The following TLK2 variants were observed in gnomAD, a reference collection of about 807,000 sequenced individuals.
TLK2 encodes tousled like kinase 2, also known as serine/threonine-protein kinase tousled-like 2.
In TLK2, 6 loss-of-function variants were observed where a neutral mutation model predicts 117.3. The observed-to-expected ratio is 0.05, with a 90% confidence interval of 0.03 to 0.10. The LOEUF is 0.10. TLK2 is among the 10% of genes least tolerant of loss of function. The pLI, the probability that TLK2 is intolerant of heterozygous loss-of-function variation, is 1.00. For synonymous variants in TLK2, 257 were observed against 316.7 expected, an observed-to-expected ratio of 0.81 and a Z score of 2.00; for missense variants, 299 against 901.2, an observed-to-expected ratio of 0.33 and a Z score of 8.56.
At chr17:62,525,269 C>T (rs547122712) in intron 6 of TLK2, among the ~76,000 whole-genome samples, 45 of 152,202 alleles carry the variant, frequency 3.0e-4, no homozygotes, top group African/African-American at 1.0e-3. Flanking sequence ...ATTTCCTAAG[C>T]GATTTAGGCT....
intron 15 of TLK2, among the ~76,000 whole-genome samples, chr17:62,584,557 TC>T (rs2081474005): frequency 6.6e-6 from 1 of 152,184 alleles, no homozygotes; most frequent in Non-Finnish European, 1.5e-5. Context: ...CTCTACTGCC[TC>T]TAACCCAATA....
intron 7 of TLK2, among the ~76,000 whole-genome samples, chr17:62,547,481 G>C (rs2078035611): frequency 6.6e-6 from 1 of 152,000 alleles, no homozygotes; most frequent in Admixed American, 6.6e-5. Flanking sequence ...TAACGGATCT[G>C]AGCATTGTCA....
intron 13 of TLK2, 86 bp from the exon 14 acceptor site, chr17:62,578,391 T>C: frequency 9.6e-7 from 1 of 1,039,832 alleles, no homozygotes. Flanking sequence ...TTTCATAAGA[T>C]AAATGTCTGC....
intron 16 of TLK2, among the ~76,000 whole-genome samples, chr17:62,591,349 A>G (rs2082066144): frequency 6.6e-6 from 1 of 151,160 alleles, no homozygotes; most frequent in Admixed American, 6.6e-5. Context: ...TGTTAAATAT[A>G]TGTAATTTAA....
At chr17:62,504,103 A>G (rs1237158109) in intron 2 of TLK2, among the ~76,000 whole-genome samples, 1 of 152,128 alleles carries the variant, frequency 6.6e-6, no homozygotes. Flanking sequence ...TTTTGTTGTA[A>G]TACATGCTTG....
chr17:62,595,936 GA>G (rs2082447935), intron 16 of TLK2, among the ~76,000 whole-genome samples: 2 of 152,054 alleles, frequency 1.3e-5, no homozygotes, highest in East Asian at 1.9e-4. Flanking sequence ...GAGGAGGGGG[GA>G]AAATAACCGT....
chr17:62,575,326 G>A (rs922699483), intron 12 of TLK2, among the ~76,000 whole-genome samples: 3 of 152,110 alleles, frequency 2.0e-5, no homozygotes, highest in Non-Finnish European at 2.9e-5. Context: ...TCTTGGCCCC[G>A]AACCTGTTTC....
chr17:62,569,681 C>T (rs1337222741), intron 11 of TLK2, among the ~76,000 whole-genome samples: 2 of 152,004 alleles, frequency 1.3e-5, no homozygotes, highest in Non-Finnish European at 2.9e-5. Context: ...CCCACCTTGG[C>T]CTCCCGAAGT....
At chr17:62,572,516 A>G (rs1445279917) in intron 11 of TLK2, among the ~76,000 whole-genome samples, 1 of 152,176 alleles carries the variant, frequency 6.6e-6, no homozygotes, top group Non-Finnish European at 1.5e-5. Context: ...TCTAATGGTA[A>G]TGGTGTTAGA....
chr17:62,519,746 A>G (rs1231861770), intron 2 of TLK2, among the ~76,000 whole-genome samples: 20 of 152,210 alleles, frequency 1.3e-4, no homozygotes, highest in Admixed American at 1.2e-3. Flanking sequence ...GCAAGTATAA[A>G]AAAATGGATT....
At chr17:62,540,626 T>C (rs1489118634) in intron 7 of TLK2, among the ~76,000 whole-genome samples, 2 of 151,260 alleles carry the variant, frequency 1.3e-5, no homozygotes, top group Non-Finnish European at 1.5e-5. Context: ...CTTGAACTCC[T>C]AACCTCAGGT....
At chr17:62,517,420 A>G (rs1210315974) in intron 2 of TLK2, among the ~76,000 whole-genome samples, 1 of 151,612 alleles carries the variant, frequency 6.6e-6, no homozygotes, top group East Asian at 2.0e-4. Context: ...TTTGAGACGG[A>G]GTCTCGCTCT....
At chr17:62,590,739 A>G (rs1012919103) in intron 16 of TLK2, among the ~76,000 whole-genome samples, 1 of 152,216 alleles carries the variant, frequency 6.6e-6, no homozygotes, top group African/African-American at 2.4e-5. Context: ...TCAGCCCGCC[A>G]AAGTGCTGGG....
intron 12 of TLK2, among the ~76,000 whole-genome samples, chr17:62,575,599 G>A (rs564606192): frequency 3.9e-5 from 6 of 152,270 alleles, no homozygotes; most frequent in South Asian, 2.1e-4. Context: ...TCTAGAATGC[G>A]AAGAAGGTAG....
chr17:62,561,462 T>C (rs1413448112), intron 10 of TLK2, among the ~76,000 whole-genome samples: 2 of 152,244 alleles, frequency 1.3e-5, no homozygotes, highest in Non-Finnish European at 2.9e-5. Flanking sequence ...TCCACCCGTC[T>C]CGGCCTCCCA....
intron 2 of TLK2, among the ~76,000 whole-genome samples, chr17:62,519,976 T>A (rs1315099984): frequency 8.5e-5 from 13 of 152,168 alleles, no homozygotes; most frequent in African/African-American, 2.7e-4. Context: ...CTTGTCACAC[T>A]CTTGCAAGTG....
chr17:62,482,097 C>T (rs557802467), intron 2 of TLK2, among the ~76,000 whole-genome samples: 45 of 151,068 alleles, frequency 3.0e-4, no homozygotes, highest in African/African-American at 9.4e-4. Context: ...TACAGGTGCC[C>T]GCCACCACGC....
chr17:62,578,598 G>A (rs754749100), intron 14 of TLK2, 24 bp downstream of exon 14: 67 of 1,564,728 alleles, frequency 4.3e-5, no homozygotes, highest in Non-Finnish European at 5.9e-5. Context: ...GGGCATATTG[G>A]GTTGGAGATT....
In TLK2 at chr17:62,598,537, T is replaced by G. The variant is rs192793740; in HGVS notation, c.1550+1863T>G. On this transcript the variant is annotated intron_variant, in intron 17 of 21. Transcript: ENST00000346027. ...TTGTTTTGGTTGTTTTCCTTTTTTT[T>G]TTCCTGAGATGGAGTCTCACTCTGT... Among the ~76,000 whole-genome samples, 4 of 152,258 alleles carry G rather than the reference T, an allele frequency of 2.6e-5. No homozygotes were observed. The East Asian group carries it at 7.7e-4, about 29-fold the overall frequency.
Sources: gnomAD v4.1 joint callset for allele counts (sites outside exome capture counted in the v4.1 genomes callset) on GRCh38, gnomAD v4.1.1 for gene constraint, MANE v1.5 for transcripts, NCBI Gene and HGNC (gene_info 2026-07-23, HGNC 2026-07-21) for gene names.